SPEN: variants seen among roughly 807,000 people sequenced by gnomAD.
The protein encoded by SPEN is spen family transcriptional repressor.
SPEN carries 18 observed loss-of-function variants against 269.9 expected under a neutral mutation model. The ratio of observed to expected loss-of-function variants is 0.07; its 90% CI spans 0.05 to 0.10. The LOEUF is 0.10. Among genes scored for constraint, SPEN ranks in the 10% least tolerant of loss-of-function variants. The pLI is 1.00. For missense variants in SPEN, 3,822 were observed against 4,631.2 expected (o/e 0.83, Z 5.07); for synonymous variants, 1,726 against 1,765.7 (o/e 0.98, Z 0.56).
chr1:15,933,382 C>G lies in SPEN; in HGVS notation c.7142C>G (p.Pro2381Arg), dbSNP rs1487950138. 1 of 1,614,074 alleles carries G rather than the reference C, an allele frequency of 6.2e-7. No individual in the cohort carries two copies. The highest frequency in any genetic ancestry group is 1.3e-5 in the African/African-American group (1 of 74,920). ...EGTTVQHPEA[P>R]QEEKQSEKPH... ...ACAACAGTACAGCACCCCGAAGCCC[C>G]ACAGGAAGAAAAGCAGAGTGAGAAA... is the stretch of plus-strand genomic sequence containing the variant. The change falls in exon 11 of 15, where the codon CCA (proline) becomes CGA (arginine). Residue 2381 changes from proline to arginine, a missense_variant. By Grantham distance (103) the Pro-to-Arg change is moderately radical (BLOSUM62 -2). This residue lies in a region of SPEN where 727 missense variants were observed against 737.9 expected (regional missense o/e 0.99). Transcript: ENST00000375759. The surrounding 1 kb of genome is among the most constrained non-coding windows in gnomAD (Gnocchi z 5.7).
At chr1:15,873,925 A>G (rs947472843) in intron 2 of SPEN, 10 of 1,151,586 alleles carry the variant, frequency 8.7e-6, no homozygotes, top group Admixed American at 8.0e-5. Context: ...TTGCTGTCCA[A>G]TCAAAGGTAC....
intron 1 of SPEN, among the ~76,000 whole-genome samples, chr1:15,855,464 T>G (rs139188012): frequency 4.3e-4 from 66 of 152,278 alleles, no homozygotes; most frequent in African/African-American, 1.5e-3. Context: ...TCAAAAAACA[T>G]TTTGCAGTTT....
chr1:15,879,165 ACCCTGTCTC>A (rs2070663287), intron 3 of SPEN, among the ~76,000 whole-genome samples: 1 of 151,914 alleles, frequency 6.6e-6, no homozygotes, highest in Non-Finnish European at 1.5e-5. Context: ...CAATGGTGAA[ACCCTGTCTC>A]TACTAAAAAT....
chr1:15,859,358 C>T (rs111783161), intron 1 of SPEN, among the ~76,000 whole-genome samples: 4,246 of 115,494 alleles, frequency 0.037, 253 homozygotes, highest in African/African-American at 0.13. Flanking sequence ...TTTTTCTTTT[C>T]TTTTTTTTTT....
At chr1:15,861,134 C>CTTT (rs1169274095) in intron 1 of SPEN, among the ~76,000 whole-genome samples, 7 of 136,124 alleles carry the variant, frequency 5.1e-5, no homozygotes, top group Non-Finnish European at 3.2e-5. Context: ...GGCTGAGTGA[C>CTTT]TTTTTTTTTT....
chr1:15,850,422 C>G (rs187437305), intron 1 of SPEN, among the ~76,000 whole-genome samples: 50 of 150,752 alleles, frequency 3.3e-4, no homozygotes, highest in Middle Eastern at 3.4e-3. Flanking sequence ...CATTTTTAAA[C>G]AAATCTATTT....
Position 15,928,050 on chromosome 1 carries a change from G to C in SPEN, c.1851-41G>C, listed in dbSNP as rs748135393. On this transcript the variant is annotated intron_variant, in intron 10 of 14. Transcript: ENST00000375759. This position sits in a 1 kb window ranked among gnomAD's most constrained non-coding sequence, Gnocchi z 5.7. Reference sequence around the variant, plus strand: ...ATGTATGATTTTATGCATAAGTGATGAGGAAACAAAAGAACTAATATCTTT... The same window carrying C: ...ATGTATGATTTTATGCATAAGTGATCAGGAAACAAAAGAACTAATATCTTT... The C allele has an allele frequency of 2.0e-6, 3 of 1,514,670 alleles. No homozygotes were observed. Among genetic ancestry groups the C allele is most frequent in the East Asian group, 4.6e-5 (2 of 43,954 alleles). 93.8% of individuals were successfully genotyped at this position (1,514,670 alleles called of 1,614,324 possible). A position where few individuals can be genotyped will look rare whatever the true frequency, so the allele number is the denominator to read the frequency against.
intron 3 of SPEN, among the ~76,000 whole-genome samples, chr1:15,882,642 A>G (rs2070697614): frequency 6.6e-6 from 1 of 152,216 alleles, no homozygotes; most frequent in African/African-American, 2.4e-5. Flanking sequence ...CCTGGGCAAC[A>G]GAACAAGACT....
At chr1:15,879,785 C>G (rs1013378840) in intron 3 of SPEN, among the ~76,000 whole-genome samples, 1 of 152,028 alleles carries the variant, frequency 6.6e-6, no homozygotes, top group Non-Finnish European at 1.5e-5. Flanking sequence ...ATTCTTCTGC[C>G]TCAGCCTCTC....
intron 3 of SPEN, among the ~76,000 whole-genome samples, chr1:15,905,579 T>G (rs929115134): frequency 6.7e-6 from 1 of 150,040 alleles, no homozygotes; most frequent in Non-Finnish European, 1.5e-5. Context: ...AATGATTTCT[T>G]TTTTCTTTTT....
At chr1:15,904,752 A>G (rs2070939116) in intron 3 of SPEN, among the ~76,000 whole-genome samples, 1 of 150,096 alleles carries the variant, frequency 6.7e-6, no homozygotes, top group Non-Finnish European at 1.5e-5. Context: ...CGTGCCTGTA[A>G]TAATGTTTAT....
chr1:15,932,121 G>A lies in SPEN; in HGVS notation c.5881G>A (p.Asp1961Asn), dbSNP rs745908478. 4.3e-6 allele frequency: 7 copies of A among 1,613,894 alleles called. No homozygotes were observed. Among genetic ancestry groups the A allele is most frequent in the Admixed American group, 3.3e-5 (2 of 60,004 alleles). The change falls in exon 11 of 15, where the codon GAT becomes AAT. Residue 1961 changes from aspartate to asparagine, a missense_variant. Transcript: ENST00000375759. This position sits in a 1 kb window ranked among gnomAD's most constrained non-coding sequence, Gnocchi z 4.2. ...GCCTCCAAAGACACGCCGGCGAGCC[G>A]ATGAAGAGGAGGAGAACGAGGCCAA... ...GRPPKTRRRA[D>N]EEEENEAKEP...
intron 3 of SPEN, among the ~76,000 whole-genome samples, chr1:15,896,574 G>A (rs2070844479): frequency 1.3e-5 from 2 of 152,212 alleles, no homozygotes; most frequent in South Asian, 4.1e-4. Flanking sequence ...TATTACTTAA[G>A]TGGAGCCAGT....
Position 15,928,981 on chromosome 1 carries a change from A to G in SPEN, c.2741A>G (p.Asp914Gly). ...DNDTVKSSAL[D>G]QKLQVSQTEP... ...GACACTGTCAAATCTTCTGCCCTGGACCAGAAACTTCAGGTCTCTCAGACG... is the reference window on the plus strand; with the variant it reads ...GACACTGTCAAATCTTCTGCCCTGGGCCAGAAACTTCAGGTCTCTCAGACG... Residue 914 changes from aspartate to glycine, a missense_variant, in exon 11 of 15, where the codon GAC becomes GGC. Transcript: ENST00000375759. The surrounding 1 kb of genome is among the most constrained non-coding windows in gnomAD (Gnocchi z 5.7). 6.2e-7 allele frequency: 1 copy of G among 1,614,226 alleles called. No homozygotes were observed.
intron 1 of SPEN, among the ~76,000 whole-genome samples, chr1:15,851,409 TAGAG>T (rs1553173490): frequency 1.3e-5 from 2 of 152,110 alleles, no homozygotes; most frequent in Non-Finnish European, 1.5e-5. Flanking sequence ...AGGGACACAA[TAGAG>T]AAAGTCCTTT....
At chr1:15,926,595 ATAGT>A (rs1018541583) in intron 10 of SPEN, among the ~76,000 whole-genome samples, 1 of 152,042 alleles carries the variant, frequency 6.6e-6, no homozygotes, top group Non-Finnish European at 1.5e-5. Flanking sequence ...CTTTCAACAA[ATAGT>A]TGAGTGCTAT....
At chr1:15,890,271 C>G (rs1166611243) in intron 3 of SPEN, among the ~76,000 whole-genome samples, 3 of 152,020 alleles carry the variant, frequency 2.0e-5, no homozygotes, top group African/African-American at 7.2e-5. Flanking sequence ...ATCAGGTTGA[C>G]ATTTTTATTT....
At position 15,928,829 on chromosome 1, in the gene SPEN, CAA is replaced by C; in HGVS notation, c.2591_2592del (p.Lys864ArgfsTer28). 1 of 1,613,970 alleles carries C rather than the reference CAA, an allele frequency of 6.2e-7. No homozygotes were observed. The highest frequency in any genetic ancestry group is 8.5e-7 in the Non-Finnish European group (1 of 1,179,976). On this transcript the variant is annotated frameshift_variant, in exon 11 of 15. Transcript: ENST00000375759. LOFTEE classifies it high-confidence loss of function. The surrounding 1 kb of genome is among the most constrained non-coding windows in gnomAD (Gnocchi z 5.7). The part of the protein sequence containing the change: ...CNKLSREKAD[K>X]EGIAKNRLEL... ...ATAAACTGAGCAGAGAGAAAGCTGACAAAGAGGGAATAGCGAAAAACCGCCTG... is the reference window on the plus strand; with the variant it reads ...ATAAACTGAGCAGAGAGAAAGCTGACAGAGGGAATAGCGAAAAACCGCCTG...
intron 1 of SPEN, among the ~76,000 whole-genome samples, chr1:15,854,188 A>G (rs1198432030): frequency 6.6e-6 from 1 of 152,178 alleles, no homozygotes; most frequent in Non-Finnish European, 1.5e-5. Flanking sequence ...ATGTAGTCTG[A>G]AAATACCTTG....
Sources: gnomAD v4.1 joint callset for allele counts (sites outside exome capture counted in the v4.1 genomes callset) on GRCh38, gnomAD v4.1.1 for gene constraint, gnomAD v4.1.1 regional missense constraint, Gnocchi (gnomAD v3.1) non-coding constraint, MANE v1.5 for transcripts, NCBI Gene and HGNC (gene_info 2026-07-23, HGNC 2026-07-21) for gene names.